The following KCNMA1 variants were observed in gnomAD, a reference collection of about 807,000 sequenced individuals.
KCNMA1 encodes Calcium-activated potassium channel subunit alpha-1.
In KCNMA1, 29 loss-of-function variants were observed where a neutral mutation model predicts 140.0. The observed-to-expected ratio is 0.21, with a 90% CI of 0.15 to 0.28. The LOEUF (loss-of-function observed/expected upper bound fraction) is 0.28, where lower values mean the gene tolerates loss of function less well. Among genes scored for constraint, KCNMA1 ranks in the 10% least tolerant of loss-of-function variants. The pLI, the probability that KCNMA1 is intolerant of heterozygous loss-of-function variation, is 1.00. For synonymous variants in KCNMA1, 612 were observed against 611.9 expected (o/e 1.00, Z 0.00); for missense variants, 880 against 1,602.2 (o/e 0.55, Z 7.70).
chr10:77,395,031 A>T (rs1486927209), intron 2 of KCNMA1, among the ~76,000 whole-genome samples: 1 of 152,172 alleles, frequency 6.6e-6, no homozygotes, highest in Non-Finnish European at 1.5e-5. Flanking sequence ...GTCACAAAAT[A>T]CACTTATTTT....
At chr10:77,515,188 G>C (rs2049953567) in intron 1 of KCNMA1, among the ~76,000 whole-genome samples, 1 of 152,106 alleles carries the variant, frequency 6.6e-6, no homozygotes, top group Admixed American at 6.5e-5. Flanking sequence ...GTGAGTGAGG[G>C]GTGCTGCATT....
chr10:77,009,506 C>G (rs1392880173), intron 18 of KCNMA1, among the ~76,000 whole-genome samples: 1 of 152,168 alleles, frequency 6.6e-6, no homozygotes, highest in African/African-American at 2.4e-5. Context: ...TCCACTTCCA[C>G]TCCTTCCTCC....
At chr10:77,032,867 T>C (rs1378986682) in intron 15 of KCNMA1, among the ~76,000 whole-genome samples, 7 of 152,180 alleles carry the variant, frequency 4.6e-5, no homozygotes, top group African/African-American at 1.7e-4. Flanking sequence ...GTTCCTGCCA[T>C]TAAATCAGCC....
chr10:77,025,481 T>G, intron 16 of KCNMA1: 1 of 1,588,630 alleles, frequency 6.3e-7, no homozygotes, highest in East Asian at 2.3e-5. Context: ...AGAAAAGAAT[T>G]TAAAATCAAA....
chr10:77,223,639 T>G (rs954697071), intron 3 of KCNMA1, among the ~76,000 whole-genome samples: 1 of 152,174 alleles, frequency 6.6e-6, no homozygotes, highest in African/African-American at 2.4e-5. Context: ...TTTTCTCAAA[T>G]GTGAGTGTTT....
At position 76,906,695 on chromosome 10, in the gene KCNMA1, G is replaced by A. The variant is rs557389183; in HGVS notation, c.3147+3271C>T. 2.0e-5 allele frequency among the ~76,000 whole-genome samples: 3 copies of A among 152,336 alleles called. No homozygotes were observed. In the South Asian group the frequency reaches 6.2e-4, roughly 32 times the overall value. ...TGAAAGTTTACCTCTGTCTCCTGCT[G>A]TTTGGAGGAGTCTCACTTTCTCAAT... On this transcript the variant is annotated intron_variant, in intron 25 of 27. Coordinates refer to ENST00000286628, the MANE Select transcript of KCNMA1 (RefSeq NM_001161352.2).
chr10:77,243,286 G>A (rs185180333), intron 3 of KCNMA1, among the ~76,000 whole-genome samples: 204 of 152,234 alleles, frequency 1.3e-3, no homozygotes, highest in East Asian at 6.6e-3. Flanking sequence ...ATAACATTTC[G>A]CTCCAGCTGG....
chr10:77,043,178 T>A (rs1565735724), intron 14 of KCNMA1, among the ~76,000 whole-genome samples: 1 of 152,166 alleles, frequency 6.6e-6, no homozygotes, highest in Non-Finnish European at 1.5e-5. Flanking sequence ...CTCTACACAC[T>A]AGACCTAGTA....
intron 11 of KCNMA1, among the ~76,000 whole-genome samples, 170 bp from the exon 12 acceptor site, chr10:77,084,889 C>A (rs2096658106): frequency 6.6e-6 from 1 of 151,622 alleles, no homozygotes. Flanking sequence ...GTTCCAAGTT[C>A]TTGTTATGGT....
At chr10:77,296,833 A>G (rs1294030779) in intron 2 of KCNMA1, among the ~76,000 whole-genome samples, 3 of 151,628 alleles carry the variant, frequency 2.0e-5, no homozygotes, top group African/African-American at 4.8e-5. Flanking sequence ...GCGGTATGAA[A>G]AAAACAGATG....
rs561719382 is a variant in KCNMA1, at chr10:77,320,091, A to C, written c.541-68835T>G. ...AGGTAACACAATCTACACTCTGTGG[A>C]TGGAAAGTTATGGCATCTTTTGATG... On this transcript the variant is annotated intron_variant, in intron 2 of 27. Coordinates refer to ENST00000286628, the MANE Select transcript of KCNMA1 (RefSeq NM_001161352.2). Among the ~76,000 whole-genome samples the C allele has an allele frequency of 3.3e-5, 5 of 152,334 alleles. No individual in the cohort carries two copies. The South Asian group carries it at 1.0e-3, about 32-fold the overall frequency.
intron 2 of KCNMA1, among the ~76,000 whole-genome samples, chr10:77,353,870 C>T (rs929624486): frequency 2.0e-5 from 3 of 151,520 alleles, no homozygotes; most frequent in African/African-American, 7.3e-5. Context: ...GGGACATGAA[C>T]GCAGGCACAG....
intron 3 of KCNMA1, among the ~76,000 whole-genome samples, chr10:77,215,099 TAGTGCAGCCCTTAGCCCCC>T (rs1040092386): frequency 1.3e-5 from 2 of 152,158 alleles, no homozygotes; most frequent in African/African-American, 4.8e-5. Context: ...GATTTCTCCC[TAGTGCAGCCCTTAGCCCCC>T]AGTGCAGCCC....
At chr10:76,953,305 C>T (rs971066172) in intron 21 of KCNMA1, among the ~76,000 whole-genome samples, 18 of 152,214 alleles carry the variant, frequency 1.2e-4, no homozygotes, top group African/African-American at 2.4e-4. Context: ...CAGCATTCAG[C>T]TTTCCTCACA....
chr10:77,326,674 G>A (rs187043088), intron 2 of KCNMA1, among the ~76,000 whole-genome samples: 2 of 152,152 alleles, frequency 1.3e-5, no homozygotes, highest in East Asian at 3.9e-4. Context: ...GCTTATTTCT[G>A]GTGGAAGCTT....
chr10:77,400,758 C>A (rs40142), intron 2 of KCNMA1, among the ~76,000 whole-genome samples: 1 of 152,156 alleles, frequency 6.6e-6, no homozygotes, highest in African/African-American at 2.4e-5. Context: ...TAAGGAGATA[C>A]GGAAGAAATA....
chr10:77,187,738 G>C (rs1396386775), intron 3 of KCNMA1, among the ~76,000 whole-genome samples: 2 of 152,070 alleles, frequency 1.3e-5, no homozygotes, highest in African/African-American at 4.8e-5. Context: ...ATCCCTTTTA[G>C]CTATTTCCTG....
At chr10:76,973,411 C>T (rs1397314435) in intron 19 of KCNMA1, among the ~76,000 whole-genome samples, 1 of 152,182 alleles carries the variant, frequency 6.6e-6, no homozygotes, top group Non-Finnish European at 1.5e-5. Flanking sequence ...AACAGTTTTA[C>T]AGTTTGGGAA....
At chr10:77,603,898 TACTTA>T (rs2083498715) in intron 1 of KCNMA1, among the ~76,000 whole-genome samples, 1 of 152,222 alleles carries the variant, frequency 6.6e-6, no homozygotes, top group South Asian at 2.1e-4. Flanking sequence ...TTAGACAAGT[TACTTA>T]ACCTCAGTTC....
Sources: gnomAD v4.1 joint callset for allele counts (sites outside exome capture counted in the v4.1 genomes callset) on GRCh38, gnomAD v4.1.1 for gene constraint, MANE v1.5 for transcripts, NCBI Gene and HGNC (gene_info 2026-07-23, HGNC 2026-07-21) for gene names.